The following PTPN11 variants were observed in gnomAD, a reference collection of about 807,000 sequenced individuals.
PTPN11 encodes the protein tyrosine-protein phosphatase non-receptor type 11.
PTPN11 carries 6 observed loss-of-function variants against 78.8 expected under a neutral mutation model. The observed-to-expected ratio is 0.08, with a 90% confidence interval of 0.04 to 0.15. The LOEUF (loss-of-function observed/expected upper bound fraction) is 0.15, where lower values mean the gene tolerates loss of function less well. Ranked by LOEUF, PTPN11 falls within the 10% of genes least tolerant of loss-of-function variation. The pLI is 1.00. For missense variants in PTPN11, 386 were observed against 744.8 expected, an observed-to-expected ratio of 0.52 and a Z score of 5.61; for synonymous variants, 221 against 263.5, an observed-to-expected ratio of 0.84 and a Z score of 1.56.
At chr12:112,440,563 CTTTTTTTTTTTTTTTTT>C (rs772805515) in intron 1 of PTPN11, among the ~76,000 whole-genome samples, 3 of 90,722 alleles carry the variant, frequency 3.3e-5, no homozygotes, top group Admixed American at 1.4e-4. Context: ...TGTGCCTGGC[CTTTTTTTTTTTTTTTTT>C]TTTTTTTTTT....
chr12:112,505,185 T>C (rs2038918599), intron 15 of PTPN11, among the ~76,000 whole-genome samples: 2 of 152,150 alleles, frequency 1.3e-5, no homozygotes, highest in Non-Finnish European at 2.9e-5. Context: ...TCAGGAAGCC[T>C]GAGTTCTCAT....
chr12:112,428,771 G>T (rs2037662938), intron 1 of PTPN11: 2 of 156,960 alleles, frequency 1.3e-5, no homozygotes, highest in African/African-American at 2.4e-5. Flanking sequence ...TTTTGAGACG[G>T]AGTTTAGCTC....
At position 112,504,979 on chromosome 12, in the gene PTPN11, A is replaced by G. The variant is rs1251485874; in HGVS notation, c.*32+183A>G. Among the ~76,000 whole-genome samples the G allele has an allele frequency of 6.6e-6, 1 of 152,262 alleles. No individual in the cohort carries two copies. The highest frequency in any genetic ancestry group is 1.9e-4 in the East Asian group (1 of 5,208). On this transcript the variant is annotated intron_variant, in intron 15 of 15. Transcript: ENST00000351677. The surrounding 1 kb of genome is among the most constrained non-coding windows in gnomAD (Gnocchi z 4.7). Reference sequence around the variant, plus strand: ...GGTTTTAGTTTAGAGTTCATTAAACATTAAAATCAAACACAGAATTAATTC... The same window carrying G: ...GGTTTTAGTTTAGAGTTCATTAAACGTTAAAATCAAACACAGAATTAATTC...
intron 2 of PTPN11, among the ~76,000 whole-genome samples, chr12:112,449,128 C>T (rs1592824996): frequency 6.6e-6 from 1 of 150,858 alleles, no homozygotes; most frequent in South Asian, 2.2e-4. Flanking sequence ...CTCAGGTGAT[C>T]CTCCCACCTC....
chr12:112,505,656 C>CAAAAA (rs1191524369), intron 15 of PTPN11, among the ~76,000 whole-genome samples, 169 bp from the exon 16 acceptor site: 7 of 36,682 alleles, frequency 1.9e-4, no homozygotes, highest in Admixed American at 2.3e-4. Context: ...AACTCCATCT[C>CAAAAA]AAAAAAAAAA....
At chr12:112,486,946 T>G in intron 11 of PTPN11, 8 of 1,321,516 alleles carry the variant, frequency 6.1e-6, no homozygotes, top group Non-Finnish European at 6.8e-6. Flanking sequence ...TCCTTATTCT[T>G]CATGATGTTT....
chr12:112,474,178 A>G (rs990420155), intron 7 of PTPN11, among the ~76,000 whole-genome samples: 4 of 151,958 alleles, frequency 2.6e-5, no homozygotes, highest in Non-Finnish European at 5.9e-5. Context: ...GTGAAACCCC[A>G]TCTCTATTAA....
chr12:112,487,514 C>T (rs897519522), intron 11 of PTPN11, among the ~76,000 whole-genome samples: 1 of 152,090 alleles, frequency 6.6e-6, no homozygotes, highest in Non-Finnish European at 1.5e-5. Context: ...GCTGCTTTTC[C>T]ACCAAGGCCT....
In PTPN11 at chr12:112,454,669, C is replaced by A; in HGVS notation, c.631C>A (p.Gln211Lys). ...PMVETLGTVLQLKQPLNTTRI... is the reference protein window; with the variant it reads ...PMVETLGTVLKLKQPLNTTRI... ...GGTGGAAACATTGGGTACAGTACTA[C>A]AACTCAAGCAGGTGAGCAGATTGGA... Residue 211 changes from glutamine to lysine, a missense_variant, in exon 5 of 16, where the codon CAA (glutamine) becomes AAA (lysine). Gln to Lys is a moderately conservative substitution (Grantham distance 53, BLOSUM62 1). Transcript: ENST00000351677. The A allele has an allele frequency of 6.2e-7, 1 of 1,607,500 alleles. No individual in the cohort carries two copies. Among genetic ancestry groups the A allele is most frequent in the Non-Finnish European group, 8.5e-7 (1 of 1,174,086 alleles).
rs376601242 is a variant in PTPN11, at chr12:112,453,646, G to GT, written c.525+275dup. 0.021 allele frequency among the ~76,000 whole-genome samples: 2,421 copies of GT among 116,416 alleles called. 27 individuals are homozygous for GT. Among genetic ancestry groups the GT allele is most frequent in the African/African-American group, 0.037 (1,190 of 32,472 alleles). 76.4% of individuals were successfully genotyped at this position (116,416 alleles called of 152,430 possible). ...CATTACATTCAAAGTCAGATTTTCT[G>GT]TTTTTTTTTTTTTTTTGTTTTTGTT... On this transcript the variant is annotated intron_variant, in intron 4 of 15. Coordinates refer to ENST00000351677, the MANE Select transcript of PTPN11 (RefSeq NM_002834.5).
At chr12:112,434,109 T>C (rs757456205) in intron 1 of PTPN11, among the ~76,000 whole-genome samples, 1 of 151,886 alleles carries the variant, frequency 6.6e-6, no homozygotes, top group East Asian at 1.9e-4. Context: ...CAAGACTCCA[T>C]TTCTACAAAA....
chr12:112,489,834 G>A, intron 13 of PTPN11, among the ~76,000 whole-genome samples: 1 of 152,076 alleles, frequency 6.6e-6, no homozygotes, highest in East Asian at 1.9e-4. Flanking sequence ...CATCAGTGGC[G>A]AGTGCCTGCA....
rs1264925397 is a variant in PTPN11 at position 112,419,163 on chromosome 12, C to G, written c.14+38C>G. 4.0e-6 allele frequency: 6 copies of G among 1,483,912 alleles called. No homozygotes were observed. The African/African-American group carries it at 7.3e-5, about 18-fold the overall frequency. 91.9% of individuals were successfully genotyped at this position (1,483,912 alleles called of 1,614,324 possible). ...GAGGGGCCCGGCGCGGGCCTCGGCC[C>G]GGCCACCGCCGCGTTCGGTTAGCCC... is the stretch of plus-strand genomic sequence containing the variant. On this transcript the variant is annotated intron_variant, in intron 1 of 15. Coordinates refer to ENST00000351677, the MANE Select transcript of PTPN11 (RefSeq NM_002834.5).
rs2038538693 is a variant in PTPN11, at chr12:112,478,149, A to G, written c.1092+134A>G. On this transcript the variant is annotated intron_variant, in intron 9 of 15. Coordinates refer to ENST00000351677, the MANE Select transcript of PTPN11 (RefSeq NM_002834.5). Reference sequence around the variant, plus strand: ...TCTCTGGAAAAAAGGGACTAGGAGAAATTTGATTATGTTATTCCTTGGTGT... The same window carrying G: ...TCTCTGGAAAAAAGGGACTAGGAGAGATTTGATTATGTTATTCCTTGGTGT... 4 of 1,037,554 alleles carry G rather than the reference A, an allele frequency of 3.9e-6. No homozygotes were observed. The Admixed American group carries it at 8.8e-5, about 23-fold the overall frequency. The allele number at this position is 1,037,554 out of a possible 1,614,324, so 64.3% of individuals were successfully genotyped here.
chr12:112,505,234 T>A (rs1016259523), intron 15 of PTPN11, among the ~76,000 whole-genome samples: 5 of 152,194 alleles, frequency 3.3e-5, no homozygotes, highest in African/African-American at 4.8e-5. Context: ...CATGGGGTGC[T>A]AGACCACTTG....
chr12:112,434,481 A>T (rs2037759309), intron 1 of PTPN11, among the ~76,000 whole-genome samples: 2 of 151,226 alleles, frequency 1.3e-5, no homozygotes, highest in Non-Finnish European at 2.9e-5. Flanking sequence ...GGTGGCGTGC[A>T]CCTGTAGTCT....
chr12:112,498,713 G>A (rs760825930), intron 13 of PTPN11, among the ~76,000 whole-genome samples: 6 of 152,206 alleles, frequency 3.9e-5, no homozygotes, highest in South Asian at 4.1e-4. Flanking sequence ...GATTTTCTAG[G>A]CTTCAGAAAC....
Position 112,429,481 on chromosome 12 carries a change from C to CTTT in PTPN11, c.14+10379_14+10381dup, listed in dbSNP as rs1177861343. ...GTTTCACCTTTGGCAGTTGAAACTA[C>CTTT]TTTTTTTTTTTTTTTTTTTTTTTTT... On this transcript the variant is annotated intron_variant, in intron 1 of 15. Transcript: ENST00000351677. 2.1e-3 allele frequency among the ~76,000 whole-genome samples: 232 copies of CTTT among 110,808 alleles called. 2 individuals are homozygous for CTTT. The highest frequency in any genetic ancestry group is 6.8e-3 in the African/African-American group (199 of 29,400). The allele number at this position is 110,808 out of a possible 152,430, so 72.7% of individuals were successfully genotyped here.
chr12:112,478,723 G>A (rs1469781636), intron 9 of PTPN11, among the ~76,000 whole-genome samples: 1 of 152,026 alleles, frequency 6.6e-6, no homozygotes, highest in African/African-American at 2.4e-5. Flanking sequence ...AATGTATGGA[G>A]TATTTCTGTT....
Sources: allele counts gnomAD v4.1 joint callset (sites outside exome capture counted in the v4.1 genomes callset), GRCh38; gene constraint gnomAD v4.1.1; non-coding constraint Gnocchi (gnomAD v3.1); transcripts MANE v1.5; gene names NCBI Gene and HGNC (gene_info 2026-07-23, HGNC 2026-07-21).